ACOX2: variants seen among roughly 807,000 people sequenced by gnomAD.
The protein encoded by ACOX2 is peroxisomal acyl-coenzyme A oxidase 2.
Under a neutral mutation model 77.5 loss-of-function variants are expected in ACOX2, and 59 were observed. That is an observed-to-expected ratio of 0.76 (90% CI 0.62 to 0.95). The LOEUF (loss-of-function observed/expected upper bound fraction) is 0.95, where lower values mean the gene tolerates loss of function less well. Ranked by LOEUF, ACOX2 falls within the 40% of genes least tolerant of loss-of-function variation. ACOX2 has a pLI of 0.00. For missense variants in ACOX2, 837 were observed against 880.4 expected (o/e 0.95, Z 0.62); for synonymous variants, 317 against 340.1 (o/e 0.93, Z 0.75).
At position 58,534,982 on chromosome 3, in the gene ACOX2, C is replaced by T; in HGVS notation, c.125G>A (p.Gly42Glu). ...GCGGAGTGCAGTGTTCTGGGCACCT[C>T]CATCAAGGATGTTGGTGAGCCGTTC... ...DVERLTNILD[G>E]GAQNTALRRK... The change falls in exon 2 of 15, where the codon GGA (glycine) becomes GAA (glutamate). Residue 42 changes from glycine to glutamate, a missense_variant. By Grantham distance (98) the Gly-to-Glu change is moderately conservative (BLOSUM62 -2). Transcript: ENST00000302819. This position sits in a 1 kb window ranked among gnomAD's most constrained non-coding sequence, Gnocchi z 4.8. 3 of 1,614,230 alleles carry T rather than the reference C, an allele frequency of 1.9e-6. No individual in the cohort carries two copies. The highest frequency in any genetic ancestry group is 2.7e-5 in the African/African-American group (2 of 75,060).
chr3:58,528,973 C>G lies in ACOX2; in HGVS notation c.993-17G>C. The G allele has an allele frequency of 1.9e-6, 3 of 1,599,368 alleles. No homozygotes were observed. Among genetic ancestry groups the G allele is most frequent in the Admixed American group, 1.7e-5 (1 of 58,412 alleles). On this transcript the variant is annotated splice_polypyrimidine_tract_variant and intron_variant, in intron 8 of 14. Coordinates refer to ENST00000302819, the MANE Select transcript of ACOX2 (RefSeq NM_003500.4). This position sits in a 1 kb window ranked among gnomAD's most constrained non-coding sequence, Gnocchi z 5.6. Reference sequence around the variant, plus strand: ...TCTGGGTCACTGAAGGGAAAAGAACCAGAAGATTTAGATCACTACCTGTTG... The same window carrying G: ...TCTGGGTCACTGAAGGGAAAAGAACGAGAAGATTTAGATCACTACCTGTTG...
Position 58,510,687 on chromosome 3 carries a change from TATATATATATATATATATATATACACAC to T in ACOX2, c.1851-1690_1851-1663del, listed in dbSNP as rs1221313442. On this transcript the variant is annotated intron_variant, in intron 13 of 14. Transcript: ENST00000302819. ...AAATATATATATATATATATATATA[TATATATATATATATATATATATACACAC>T]ACACACACACACACACACACACACA... 2.1e-3 allele frequency among the ~76,000 whole-genome samples: 28 copies of T among 13,096 alleles called. 5 individuals are homozygous for T. The highest frequency in any genetic ancestry group is 9.8e-3 in the East Asian group (1 of 102). 8.6% of individuals were successfully genotyped at this position (13,096 alleles called of 152,430 possible).
chr3:58,529,645 T>C (rs1177017036), intron 8 of ACOX2, among the ~76,000 whole-genome samples: 1 of 152,214 alleles, frequency 6.6e-6, no homozygotes, highest in Non-Finnish European at 1.5e-5. Flanking sequence ...AAGCCCCTTC[T>C]TCCCAGTGGC....
chr3:58,508,886 C>T lies in ACOX2; in HGVS notation c.1983+7G>A, dbSNP rs187194712. On this transcript the variant is annotated splice_region_variant and intron_variant, in intron 14 of 14. Transcript: ENST00000302819. ...TACATAATTTATAATGTGTTCCACT[C>T]AACTACCTGAGTATTGGTTGGTGAC... 5.7e-5 allele frequency: 92 copies of T among 1,614,076 alleles called. No homozygotes were observed. The East Asian group carries it at 1.9e-3, about 34-fold the overall frequency.
At position 58,524,745 on chromosome 3, in the gene ACOX2, GCCTCCCTCC is replaced by G; in HGVS notation, c.1347-149_1347-141del. ...AGCCAGGTCACCAGGCCTCTGCCTG[GCCTCCCTCC>G]TGAGGGTTCCCCCTCGGGCCGTCCT... On this transcript the variant is annotated intron_variant, in intron 10 of 14. Transcript: ENST00000302819. The surrounding 1 kb of genome is among the most constrained non-coding windows in gnomAD (Gnocchi z 5.5). 1 of 962,824 alleles carries G rather than the reference GCCTCCCTCC, an allele frequency of 1.0e-6. No individual in the cohort carries two copies. The highest frequency in any genetic ancestry group is 1.5e-6 in the Non-Finnish European group (1 of 659,564). The allele number at this position is 962,824 out of a possible 1,614,324, so 59.6% of individuals were successfully genotyped here. A position where few individuals can be genotyped will look rare whatever the true frequency, so the allele number is the denominator to read the frequency against.
rs1236589054 is a variant in ACOX2, at chr3:58,531,592, C to T, written c.703+101G>A. ...TGGACCGCTCCCTGCCCAAGGGAGA[C>T]ATGTCTTAGCTACTCCTGTGGCCCT... On this transcript the variant is annotated intron_variant, in intron 6 of 14. Transcript: ENST00000302819. The surrounding 1 kb of genome is among the most constrained non-coding windows in gnomAD (Gnocchi z 5.8). The T allele has an allele frequency of 2.0e-6, 3 of 1,513,408 alleles. No homozygotes were observed. The highest frequency in any genetic ancestry group is 2.7e-6 in the Non-Finnish European group (3 of 1,121,622). 93.7% of individuals were successfully genotyped at this position (1,513,408 alleles called of 1,614,324 possible).
chr3:58,526,551 T>C lies in ACOX2; in HGVS notation c.1261A>G (p.Ser421Gly), dbSNP rs1269412229. ...ACGGHGYSKL[S>G]GLPSLVTKLS... is the part of the protein sequence containing the mutation. Reference sequence around the variant, plus strand: ...TTGGTGACCAGTGATGGCAGGCCACTCAGCTTTGAGTAGCCATGTCCGCCA... The same window carrying C: ...TTGGTGACCAGTGATGGCAGGCCACCCAGCTTTGAGTAGCCATGTCCGCCA... Residue 421 changes from serine (S) to glycine (G), a missense_variant, in exon 10 of 15, where the codon AGT becomes GGT. Physicochemically the swap from Ser to Gly is moderately conservative, Grantham distance 56. Transcript: ENST00000302819. This position sits in a 1 kb window ranked among gnomAD's most constrained non-coding sequence, Gnocchi z 4.3. 1 of 1,614,092 alleles carries C rather than the reference T, an allele frequency of 6.2e-7. No homozygotes were observed. The highest frequency in any genetic ancestry group is 8.5e-7 in the Non-Finnish European group (1 of 1,180,044).
chr3:58,509,121 C>A, intron 13 of ACOX2, 96 bp from the exon 14 acceptor site: 1 of 1,393,306 alleles, frequency 7.2e-7, no homozygotes, highest in Non-Finnish European at 9.9e-7. Flanking sequence ...TTAGAGGTTG[C>A]ATGATTATTC....
rs1234906754 is a variant in ACOX2 at position 58,512,495 on chromosome 3, C to T, written c.1851-3470G>A. ...ATCCAATGCTCAAAACCCTCCCATT[C>T]TATCCCATGCTCAAAACCCTCGCAT... On this transcript the variant is annotated intron_variant, in intron 13 of 14. Transcript: ENST00000302819. This position sits in a 1 kb window ranked among gnomAD's most constrained non-coding sequence, Gnocchi z 4.8. 6.6e-6 allele frequency among the ~76,000 whole-genome samples: 1 copy of T among 152,194 alleles called. No homozygotes were observed. Among genetic ancestry groups the T allele is most frequent in the Non-Finnish European group, 1.5e-5 (1 of 68,030 alleles).
In ACOX2 at chr3:58,514,192, G is replaced by A. The variant is rs2063306069; in HGVS notation, c.1850+3014C>T. On this transcript the variant is annotated intron_variant, in intron 13 of 14. Coordinates refer to ENST00000302819, the MANE Select transcript of ACOX2 (RefSeq NM_003500.4). This position sits in a 1 kb window ranked among gnomAD's most constrained non-coding sequence, Gnocchi z 4.3. The stretch of plus-strand genomic sequence containing the variant: ...GTGTTAGCTCATGCATGTAATCCCA[G>A]CACTTTGGGAGGCTAAGGTAGGAGG... Among the ~76,000 whole-genome samples, 1 of 152,166 alleles carries A rather than the reference G, an allele frequency of 6.6e-6. No homozygotes were observed.
At chr3:58,507,407 T>C (rs574997893) in intron 14 of ACOX2, among the ~76,000 whole-genome samples, 6 of 152,358 alleles carry the variant, frequency 3.9e-5, no homozygotes, top group Non-Finnish European at 8.8e-5. Flanking sequence ...AAACATGTTC[T>C]CATGTAGTAT....
At chr3:58,520,833 T>C (rs2063353272) in intron 12 of ACOX2, among the ~76,000 whole-genome samples, 1 of 152,098 alleles carries the variant, frequency 6.6e-6, no homozygotes, top group African/African-American at 2.4e-5. Flanking sequence ...CCCCCAGAAT[T>C]TGTTGCTCAC....
intron 1 of ACOX2, 135 bp downstream of exon 1, chr3:58,536,984 G>A (rs2063486407): frequency 6.6e-6 from 1 of 152,338 alleles, no homozygotes; most frequent in African/African-American, 2.4e-5. Flanking sequence ...ACTTAGTGCA[G>A]GGCCTGATTT....
Position 58,531,819 on chromosome 3 carries a change from G to A in ACOX2, c.584-7C>T. On this transcript the variant is annotated splice_polypyrimidine_tract_variant and splice_region_variant and intron_variant, in intron 5 of 14. Coordinates refer to ENST00000302819, the MANE Select transcript of ACOX2 (RefSeq NM_003500.4). The surrounding 1 kb of genome is among the most constrained non-coding windows in gnomAD (Gnocchi z 5.8). Reference sequence around the variant, plus strand: ...TGGGTGGCTGACCGTCCCACTGAGGGCAGAGAGAGTAGCGGCCCGTCACAG... The same window carrying A: ...TGGGTGGCTGACCGTCCCACTGAGGACAGAGAGAGTAGCGGCCCGTCACAG... 1.2e-6 allele frequency: 2 copies of A among 1,612,020 alleles called. No homozygotes were observed. The highest frequency in any genetic ancestry group is 1.7e-6 in the Non-Finnish European group (2 of 1,179,296).
At chr3:58,517,560 C>T in intron 12 of ACOX2, 137 bp from the exon 13 acceptor site, 1 of 783,360 alleles carries the variant, frequency 1.3e-6, no homozygotes, top group Non-Finnish European at 2.0e-6. Flanking sequence ...GCTGCCTTTT[C>T]TCCTAGCTCT....
chr3:58,517,614 G>T (rs4524293), intron 12 of ACOX2, among the ~76,000 whole-genome samples, 191 bp from the exon 13 acceptor site: 72,425 of 131,766 alleles, frequency 0.55, 20,455 homozygotes, highest in African/African-American at 0.7. Flanking sequence ...TGTGTGTGTT[G>T]GGGGGGGGAG....
At position 58,524,114 on chromosome 3, in the gene ACOX2, C is replaced by T. The variant is rs1412287866; in HGVS notation, c.1526+312G>A. Reference sequence around the variant, plus strand: ...CATATCAATACATTTGGAGTATTTACATATGGGTACATTCGTTGTATTGCA... The same window carrying T: ...CATATCAATACATTTGGAGTATTTATATATGGGTACATTCGTTGTATTGCA... On this transcript the variant is annotated intron_variant, in intron 11 of 14. Transcript: ENST00000302819. The surrounding 1 kb of genome is among the most constrained non-coding windows in gnomAD (Gnocchi z 5.5). 1.3e-5 allele frequency among the ~76,000 whole-genome samples: 2 copies of T among 152,194 alleles called. No individual in the cohort carries two copies. Among genetic ancestry groups the T allele is most frequent in the Non-Finnish European group, 2.9e-5 (2 of 68,036 alleles).
Position 58,533,695 on chromosome 3 carries a change from C to T in ACOX2, c.476-143G>A, listed in dbSNP as rs938065924. On this transcript the variant is annotated intron_variant, in intron 4 of 14. Coordinates refer to ENST00000302819, the MANE Select transcript of ACOX2 (RefSeq NM_003500.4). The surrounding 1 kb of genome is among the most constrained non-coding windows in gnomAD (Gnocchi z 5.6). Reference sequence around the variant, plus strand: ...CCCAGCTGTACTTGCAGGCAGTTCTCCCCTTTCATCTGTGGGCTGTGTGTG... The same window carrying T: ...CCCAGCTGTACTTGCAGGCAGTTCTTCCCTTTCATCTGTGGGCTGTGTGTG... 67 of 746,698 alleles carry T rather than the reference C, an allele frequency of 9.0e-5. No individual in the cohort carries two copies. The highest frequency in any genetic ancestry group is 1.4e-4 in the Non-Finnish European group (61 of 449,092). 46.3% of individuals were successfully genotyped at this position (746,698 alleles called of 1,614,324 possible). A position where few individuals can be genotyped will look rare whatever the true frequency, so the allele number is the denominator to read the frequency against.
intron 13 of ACOX2, chr3:58,511,343 G>A (rs1409699063): frequency 2.7e-6 from 1 of 370,058 alleles, no homozygotes; most frequent in East Asian, 7.0e-5. Flanking sequence ...GGAAAGTGGT[G>A]CTGGTCCTGG....
Sources: gnomAD v4.1 joint callset for allele counts (sites outside exome capture counted in the v4.1 genomes callset) on GRCh38, gnomAD v4.1.1 for gene constraint, Gnocchi (gnomAD v3.1) non-coding constraint, MANE v1.5 for transcripts, NCBI Gene and HGNC (gene_info 2026-07-23, HGNC 2026-07-21) for gene names.